SORCS2: variants seen among roughly 807,000 people sequenced by gnomAD.
The protein encoded by SORCS2 is sortilin related VPS10 domain containing receptor 2.
SORCS2 carries 100 observed loss-of-function variants against 141.6 expected under a neutral mutation model. The ratio of observed to expected loss-of-function variants is 0.71; its 90% CI spans 0.60 to 0.83. The LOEUF is 0.83. SORCS2 is among the 40% of genes least tolerant of loss of function. The pLI is 0.00. For synonymous variants in SORCS2, 789 were observed against 676.9 expected, an observed-to-expected ratio of 1.17 and a Z score of -2.57; for missense variants, 1,646 against 1,560.2, an observed-to-expected ratio of 1.05 and a Z score of -0.93.
chr4:7,462,154 G>A (rs1729352938), intron 2 of SORCS2, among the ~76,000 whole-genome samples: 1 of 152,242 alleles, frequency 6.6e-6, no homozygotes, highest in African/African-American at 2.4e-5. Flanking sequence ...TGGGCTCCGA[G>A]GTGGGGAGAC....
At chr4:7,254,346 G>C (rs1206098254) in intron 1 of SORCS2, among the ~76,000 whole-genome samples, 2 of 152,204 alleles carry the variant, frequency 1.3e-5, no homozygotes, top group Non-Finnish European at 2.9e-5. Flanking sequence ...CCATAAAAAA[G>C]TATGAAAGCA....
At chr4:7,284,142 C>T (rs1052776595) in intron 1 of SORCS2, among the ~76,000 whole-genome samples, 2 of 152,268 alleles carry the variant, frequency 1.3e-5, no homozygotes, top group East Asian at 1.9e-4. Flanking sequence ...GGCAGGACCG[C>T]GCCCCCTTCA....
chr4:7,540,563 C>T (rs908782701), intron 3 of SORCS2, among the ~76,000 whole-genome samples: 4 of 152,202 alleles, frequency 2.6e-5, no homozygotes, highest in African/African-American at 9.6e-5. Context: ...CAGCGAGAGC[C>T]AGGCTGCATG....
Position 7,403,975 on chromosome 4 carries a change from ATATATATATATATATATATATAT to A in SORCS2, c.548+7622_548+7644del, listed in dbSNP as rs1170256547. ...CCTCCATGTGTGTATATATATATAT[ATATATATATATATATATATATAT>A]TTTTTTTTTTTTTTTAGTATCCATT... On this transcript the variant is annotated intron_variant, in intron 2 of 26. Transcript: ENST00000507866. 3.2e-4 allele frequency among the ~76,000 whole-genome samples: 14 copies of A among 44,034 alleles called. 1 individual carries two copies. Among genetic ancestry groups the A allele is most frequent in the African/African-American group, 7.8e-4 (10 of 12,814 alleles). The allele number at this position is 44,034 out of a possible 152,430, so 28.9% of individuals were successfully genotyped here. A position where few individuals can be genotyped will look rare whatever the true frequency, so the allele number is the denominator to read the frequency against.
intron 1 of SORCS2, among the ~76,000 whole-genome samples, chr4:7,259,882 C>T (rs562057922): frequency 1.8e-4 from 27 of 152,342 alleles, no homozygotes; most frequent in African/African-American, 5.1e-4. Context: ...GTGGAGCTGA[C>T]GCCAAAGCCT....
At chr4:7,443,836 A>G (rs1434148609) in intron 2 of SORCS2, among the ~76,000 whole-genome samples, 6 of 152,232 alleles carry the variant, frequency 3.9e-5, no homozygotes, top group African/African-American at 1.4e-4. Context: ...CTCCCACGGC[A>G]TCAGAAGGCC....
At position 7,294,168 on chromosome 4, in the gene SORCS2, C is replaced by T. The variant is rs79781879; in HGVS notation, c.480+101042C>T. 1.4e-4 allele frequency among the ~76,000 whole-genome samples: 21 copies of T among 152,264 alleles called. No individual in the cohort carries two copies. In the East Asian group the frequency reaches 3.7e-3, roughly 27 times the overall value. On this transcript the variant is annotated intron_variant, in intron 1 of 26. Coordinates refer to ENST00000507866, the MANE Select transcript of SORCS2 (RefSeq NM_020777.3). ...GTTCTGAGCGTCCTATGTGCATACG[C>T]ACCGGTGATGCCTGGCAATTAGGAA...
chr4:7,575,383 T>C (rs1316165277), intron 3 of SORCS2, among the ~76,000 whole-genome samples: 1 of 152,236 alleles, frequency 6.6e-6, no homozygotes, highest in Non-Finnish European at 1.5e-5. Context: ...AGATCTTTTA[T>C]GTCCTTTTTT....
At chr4:7,564,280 C>T (rs1714806722) in intron 3 of SORCS2, among the ~76,000 whole-genome samples, 1 of 152,206 alleles carries the variant, frequency 6.6e-6, no homozygotes, top group Admixed American at 6.5e-5. Flanking sequence ...CCCCTGTGGC[C>T]CCCTCTAGGA....
rs191415662 is a variant in SORCS2 at position 7,589,630 on chromosome 4, T to C, written c.649-48698T>C. Among the ~76,000 whole-genome samples the C allele has an allele frequency of 3.8e-3, 574 of 152,320 alleles. 21 individuals carry two copies. The highest frequency in any genetic ancestry group is 0.034 in the Admixed American group (516 of 15,302). The stretch of plus-strand genomic sequence containing the variant: ...ATTGGCCAGGCTTGTCTCGAACTCC[T>C]GACCTCATGATCTGCCCACCTCAGC... On this transcript the variant is annotated intron_variant, in intron 3 of 26. Transcript: ENST00000507866.
chr4:7,273,778 C>T (rs1715294720), intron 1 of SORCS2, among the ~76,000 whole-genome samples: 2 of 152,210 alleles, frequency 1.3e-5, no homozygotes, highest in African/African-American at 4.8e-5. Flanking sequence ...TTAGAAAGCT[C>T]TGTGGCGTTG....
intron 3 of SORCS2, among the ~76,000 whole-genome samples, chr4:7,586,635 C>T (rs1304404651): frequency 1.3e-5 from 2 of 152,214 alleles, no homozygotes; most frequent in Non-Finnish European, 2.9e-5. Context: ...CCAGCTCCAT[C>T]CGTGTCCCGG....
At chr4:7,598,653 T>C (rs1717445005) in intron 3 of SORCS2, among the ~76,000 whole-genome samples, 1 of 152,170 alleles carries the variant, frequency 6.6e-6, no homozygotes, top group Non-Finnish European at 1.5e-5. Context: ...GCTTGTGCTT[T>C]TCTGCCATAG....
intron 18 of SORCS2, among the ~76,000 whole-genome samples, chr4:7,718,728 G>A (rs1381352961): frequency 6.6e-6 from 1 of 152,078 alleles, no homozygotes; most frequent in Non-Finnish European, 1.5e-5. Flanking sequence ...TTTTGCTTTA[G>A]AACAAGTGTT....
At chr4:7,698,087 C>T (rs892231118) in intron 12 of SORCS2, among the ~76,000 whole-genome samples, 2 of 151,650 alleles carry the variant, frequency 1.3e-5, no homozygotes, top group Admixed American at 1.3e-4. Context: ...GCCTGGGCTC[C>T]CCACCCCAGG....
chr4:7,711,641 G>A (rs77870402), intron 14 of SORCS2, among the ~76,000 whole-genome samples: 4,671 of 152,316 alleles, frequency 0.031, 123 homozygotes, highest in African/African-American at 0.071. Flanking sequence ...GGGAGAAAGC[G>A]AGGCACCTGA....
intron 4 of SORCS2, among the ~76,000 whole-genome samples, chr4:7,643,862 GC>G (rs539253422): frequency 3.5e-4 from 54 of 152,266 alleles, no homozygotes; most frequent in African/African-American, 1.2e-3. Flanking sequence ...AGAGCTACAA[GC>G]TTCGATACCA....
At chr4:7,597,962 C>G (rs75148311) in intron 3 of SORCS2, among the ~76,000 whole-genome samples, 1 of 91,542 alleles carries the variant, frequency 1.1e-5, no homozygotes, top group Admixed American at 1.2e-4. Flanking sequence ...TTCAGCTAAT[C>G]TTTTTTTTTT....
chr4:7,715,377 C>T, intron 17 of SORCS2, 66 bp downstream of exon 17: 1 of 1,585,470 alleles, frequency 6.3e-7, no homozygotes. Context: ...AGCCCCGAAA[C>T]CACGCCTTCC....
Sources: gnomAD v4.1 joint callset for allele counts (sites outside exome capture counted in the v4.1 genomes callset) on GRCh38, gnomAD v4.1.1 for gene constraint, MANE v1.5 for transcripts, NCBI Gene and HGNC (gene_info 2026-07-23, HGNC 2026-07-21) for gene names.